The following FAM120A variants were observed in gnomAD, a reference collection of about 807,000 sequenced individuals.
FAM120A encodes the protein family with sequence similarity 120 member A.
In FAM120A, 15 loss-of-function variants were observed where a neutral mutation model predicts 109.7. That is an observed-to-expected ratio of 0.14 (90% CI 0.09 to 0.21). FAM120A has a LOEUF of 0.21. Among genes scored for constraint, FAM120A ranks in the 10% least tolerant of loss-of-function variants. The pLI is 1.00. For missense variants in FAM120A, 899 were observed against 1,439.3 expected, an observed-to-expected ratio of 0.62 and a Z score of 6.07; for synonymous variants, 493 against 572.8, an observed-to-expected ratio of 0.86 and a Z score of 1.99.
At chr9:93,527,337 C>A in intron 8 of FAM120A, 95 bp downstream of exon 8, 1 of 908,708 alleles carries the variant, frequency 1.1e-6, no homozygotes, top group Non-Finnish European at 1.8e-6. Flanking sequence ...ATATCTCTCT[C>A]TTTTAATCGG....
At chr9:93,501,789 A>G (rs146955305) in intron 5 of FAM120A, among the ~76,000 whole-genome samples, 68 of 152,346 alleles carry the variant, frequency 4.5e-4, no homozygotes, top group African/African-American at 1.6e-3. Flanking sequence ...CTGCATACAC[A>G]TGATTTGGAA....
chr9:93,520,819 A>G (rs967678709), intron 7 of FAM120A, among the ~76,000 whole-genome samples: 1 of 152,280 alleles, frequency 6.6e-6, no homozygotes. Context: ...ATCCACACAG[A>G]TGGCAGCAGA....
chr9:93,499,797 A>G (rs528094851), intron 5 of FAM120A, among the ~76,000 whole-genome samples: 23 of 152,374 alleles, frequency 1.5e-4, no homozygotes, highest in Admixed American at 9.1e-4. Context: ...TTGCATGTTC[A>G]AGAGACTCTT....
At chr9:93,492,518 G>T (rs1236874551) in intron 3 of FAM120A, among the ~76,000 whole-genome samples, 1 of 152,138 alleles carries the variant, frequency 6.6e-6, no homozygotes, top group Non-Finnish European at 1.5e-5. Flanking sequence ...CCTCCTGCAC[G>T]TGGGTAGCAA....
chr9:93,463,085 C>G (rs1272460970), intron 1 of FAM120A, among the ~76,000 whole-genome samples: 1 of 152,170 alleles, frequency 6.6e-6, no homozygotes, highest in Non-Finnish European at 1.5e-5. Flanking sequence ...TTTGAGGAAT[C>G]ACCATACGAT....
intron 12 of FAM120A, among the ~76,000 whole-genome samples, chr9:93,553,004 T>C (rs1452542386): frequency 1.3e-5 from 2 of 152,234 alleles, no homozygotes; most frequent in African/African-American, 4.8e-5. Context: ...GGACAAGACA[T>C]TGAAACCATT....
At chr9:93,556,682 C>G (rs1429466262) in intron 13 of FAM120A, 91 bp downstream of exon 13, 4 of 1,311,622 alleles carry the variant, frequency 3.0e-6, no homozygotes, top group Non-Finnish European at 4.3e-6. Context: ...ATTTATCATC[C>G]TGTGTTTCAA....
chr9:93,549,819 C>T (rs1862031153), intron 11 of FAM120A, among the ~76,000 whole-genome samples: 1 of 152,196 alleles, frequency 6.6e-6, no homozygotes, highest in Non-Finnish European at 1.5e-5. Flanking sequence ...AGGTTTATGA[C>T]TAAGTCATTA....
At chr9:93,503,828 CA>C (rs199783973) in intron 5 of FAM120A, among the ~76,000 whole-genome samples, 10,962 of 145,124 alleles carry the variant, frequency 0.076, 449 homozygotes, top group East Asian at 0.11. Flanking sequence ...TGAAACTGCT[CA>C]AAAAAAAAAG....
At chr9:93,509,010 G>A (rs919627855) in intron 5 of FAM120A, among the ~76,000 whole-genome samples, 3 of 152,232 alleles carry the variant, frequency 2.0e-5, no homozygotes, top group Non-Finnish European at 4.4e-5. Flanking sequence ...AGCCTCCAGG[G>A]AACTCAATGG....
At chr9:93,544,467 C>T (rs187109324) in intron 11 of FAM120A, among the ~76,000 whole-genome samples, 15 of 152,274 alleles carry the variant, frequency 9.9e-5, no homozygotes, top group African/African-American at 3.4e-4. Context: ...TTTTGAAGTT[C>T]AGTTGAGTTG....
Position 93,557,730 on chromosome 9 carries a change from C to G in FAM120A, c.2485-97C>G, listed in dbSNP as rs1408848541. On this transcript the variant is annotated intron_variant, in intron 13 of 17. Transcript: ENST00000277165. ...AGAATTCATGAATAAAGGGAACCAA[C>G]TGTATAGTTGATAGATCTTATTTCT... The G allele has an allele frequency of 9.9e-6, 12 of 1,214,398 alleles. No individual in the cohort carries two copies. The East Asian group carries it at 2.7e-4, about 27-fold the overall frequency. 75.2% of individuals were successfully genotyped at this position (1,214,398 alleles called of 1,614,324 possible). A position where few individuals can be genotyped will look rare whatever the true frequency, so the allele number is the denominator to read the frequency against.
At chr9:93,466,763 C>G (rs1858040512) in intron 1 of FAM120A, among the ~76,000 whole-genome samples, 1 of 152,176 alleles carries the variant, frequency 6.6e-6, no homozygotes, top group Non-Finnish European at 1.5e-5. Flanking sequence ...TCACTGATGT[C>G]TCATGGCTAA....
intron 11 of FAM120A, among the ~76,000 whole-genome samples, chr9:93,547,353 A>G (rs1289220897): frequency 6.6e-6 from 1 of 152,232 alleles, no homozygotes; most frequent in Non-Finnish European, 1.5e-5. Flanking sequence ...TGGCGCCGTC[A>G]GTGTGTGCTC....
intron 3 of FAM120A, among the ~76,000 whole-genome samples, chr9:93,489,588 G>A (rs1588831308): frequency 6.6e-6 from 1 of 152,108 alleles, no homozygotes; most frequent in Admixed American, 6.5e-5. Flanking sequence ...AATCCTTTAG[G>A]TACTTCAGTA....
At chr9:93,488,914 G>GT (rs1250690327) in intron 3 of FAM120A, among the ~76,000 whole-genome samples, 1 of 150,424 alleles carries the variant, frequency 6.6e-6, no homozygotes, top group Non-Finnish European at 1.5e-5. Context: ...AAAATGATCT[G>GT]TTTAAATTCA....
In FAM120A at chr9:93,490,807, C is replaced by T. The variant is rs190875115; in HGVS notation, c.805-6664C>T. The stretch of plus-strand genomic sequence containing the variant: ...TGTTTCTTAGCTTCCTTAAGACGCC[C>T]CTTGAGTGCCTGAAATAATTCACTG... On this transcript the variant is annotated intron_variant, in intron 3 of 17. Coordinates refer to ENST00000277165, the MANE Select transcript of FAM120A (RefSeq NM_014612.5). Among the ~76,000 whole-genome samples the T allele has an allele frequency of 9.2e-5, 14 of 152,308 alleles. No individual in the cohort carries two copies. In the East Asian group the frequency reaches 2.5e-3, roughly 27 times the overall value.
At position 93,481,709 on chromosome 9, in the gene FAM120A, G is replaced by C. The variant is rs142257252; in HGVS notation, c.804+5371G>C. On this transcript the variant is annotated intron_variant, in intron 3 of 17. Transcript: ENST00000277165. ...TTTATATGGACTGATCCTTTCCTGA[G>C]ACTTCACTACCAGCAGTTCTACTTT... Among the ~76,000 whole-genome samples the C allele has an allele frequency of 2.7e-3, 405 of 152,306 alleles. 2 individuals carry two copies. In the East Asian group the frequency reaches 0.03, roughly 11 times the overall value.
chr9:93,528,502 CT>C (rs1324446096), intron 8 of FAM120A, among the ~76,000 whole-genome samples: 1 of 152,190 alleles, frequency 6.6e-6, no homozygotes, highest in East Asian at 1.9e-4. Flanking sequence ...TGTCTCCTTC[CT>C]TTTTCCTTTC....
Sources: allele counts gnomAD v4.1 joint callset (sites outside exome capture counted in the v4.1 genomes callset), GRCh38; gene constraint gnomAD v4.1.1; transcripts MANE v1.5; gene names NCBI Gene and HGNC (gene_info 2026-07-23, HGNC 2026-07-21).